HERC4: variants seen among roughly 807,000 people sequenced by gnomAD.
HERC4 encodes the protein probable E3 ubiquitin-protein ligase HERC4.
Under a neutral mutation model 124.3 loss-of-function variants are expected in HERC4, and 28 were observed. The ratio of observed to expected loss-of-function variants is 0.23; its 90% CI spans 0.17 to 0.31. The LOEUF is 0.31. Ranked by LOEUF, HERC4 falls within the 10% of genes least tolerant of loss-of-function variation. The probability of loss-of-function intolerance (pLI) is 1.00; values close to 1 mark genes in which losing one functional copy is unlikely to be tolerated. For missense variants in HERC4, 713 were observed against 1,229.3 expected (o/e 0.58, Z 6.28); for synonymous variants, 407 against 421.5 (o/e 0.97, Z 0.42).
chr10:67,946,488 C>T (rs1213320777), intron 19 of HERC4, among the ~76,000 whole-genome samples: 1 of 151,230 alleles, frequency 6.6e-6, no homozygotes, highest in Non-Finnish European at 1.5e-5. Flanking sequence ...ATATTCCATG[C>T]AAATGTTAAC....
chr10:68,060,919 T>C (rs1053104507), intron 3 of HERC4, among the ~76,000 whole-genome samples: 1 of 145,254 alleles, frequency 6.9e-6, no homozygotes, highest in Non-Finnish European at 1.5e-5. Context: ...TATGCCATCC[T>C]AAAAAAAAAA....
intron 15 of HERC4, among the ~76,000 whole-genome samples, chr10:67,979,491 C>T (rs1424685689): frequency 1.3e-5 from 2 of 152,032 alleles, no homozygotes; most frequent in African/African-American, 2.4e-5. Context: ...ATCTAAGTTA[C>T]TGGCCTTAAA....
intron 19 of HERC4, among the ~76,000 whole-genome samples, chr10:67,950,264 G>A (rs560964132): frequency 1.3e-5 from 2 of 151,926 alleles, no homozygotes; most frequent in East Asian, 3.9e-4. Context: ...AAGACTCCAT[G>A]GATACATACA....
At chr10:67,995,683 G>C (rs1401461533) in intron 9 of HERC4, among the ~76,000 whole-genome samples, 1 of 151,448 alleles carries the variant, frequency 6.6e-6, no homozygotes, top group African/African-American at 2.4e-5. Context: ...TTGACTCACA[G>C]AACATTTACT....
intron 19 of HERC4, among the ~76,000 whole-genome samples, chr10:67,950,046 AC>A (rs1363741396): frequency 6.6e-6 from 1 of 151,926 alleles, no homozygotes; most frequent in African/African-American, 2.4e-5. Context: ...AAAACAAAAA[AC>A]AAAAAAAAAG....
At chr10:68,018,838 T>A (rs2038421040) in intron 8 of HERC4, among the ~76,000 whole-genome samples, 2 of 148,742 alleles carry the variant, frequency 1.3e-5, no homozygotes, top group African/African-American at 4.9e-5. Context: ...ATTACAAAGA[T>A]AACAACTTTT....
At chr10:67,999,546 T>C (rs1564529603) in intron 9 of HERC4, among the ~76,000 whole-genome samples, 1 of 152,216 alleles carries the variant, frequency 6.6e-6, no homozygotes, top group South Asian at 2.1e-4. Context: ...AGATCTCTCT[T>C]ACATAACTTT....
intron 15 of HERC4, among the ~76,000 whole-genome samples, chr10:67,967,680 G>C (rs1021525560): frequency 6.6e-6 from 1 of 152,078 alleles, no homozygotes; most frequent in African/African-American, 2.4e-5. Context: ...GAAATATTAT[G>C]TTCTTGGTGA....
At chr10:67,983,075 CA>C (rs60021463) in intron 15 of HERC4, among the ~76,000 whole-genome samples, 56 of 76,772 alleles carry the variant, frequency 7.3e-4, no homozygotes, top group East Asian at 2.0e-3. Context: ...TTGCACTGAG[CA>C]AAAAAAAAAA....
chr10:67,935,199 G>A (rs1301921830), intron 22 of HERC4, among the ~76,000 whole-genome samples: 14 of 150,736 alleles, frequency 9.3e-5, no homozygotes, highest in African/African-American at 2.4e-4. Flanking sequence ...AGGCTGGAGC[G>A]CAGTGGCACA....
chr10:68,024,615 G>A (rs1018810683), intron 8 of HERC4, among the ~76,000 whole-genome samples: 29 of 152,178 alleles, frequency 1.9e-4, no homozygotes, highest in Non-Finnish European at 3.4e-4. Flanking sequence ...CTGATGTTAA[G>A]AGGAAAAAAA....
intron 15 of HERC4, among the ~76,000 whole-genome samples, chr10:67,980,062 A>G (rs2035836996): frequency 6.6e-6 from 1 of 152,252 alleles, no homozygotes; most frequent in Admixed American, 6.5e-5. Context: ...ATGACATTTA[A>G]AGTATTGAAG....
Position 68,025,580 on chromosome 10 carries a change from T to A in HERC4, c.874A>T (p.Met292Leu). Residue 292 changes from methionine (M) to leucine (L), a missense_variant, in exon 8 of 25, where the codon ATG (methionine) becomes TTG (leucine). Coordinates refer to ENST00000373700, the MANE Select transcript of HERC4 (RefSeq NM_015601.4). The stretch of plus-strand genomic sequence containing the variant: ...GCAATCTCAGTGACAATGCTTCCCA[T>A]AAGTTCAAAAACTTTCCTTGGGTTT... ...EINPRKVFEL[M>L]GSIVTEIACG... is the part of the protein sequence containing the mutation. The A allele has an allele frequency of 6.2e-7, 1 of 1,613,768 alleles. No homozygotes were observed. The highest frequency in any genetic ancestry group is 8.5e-7 in the Non-Finnish European group (1 of 1,179,852).
At chr10:68,074,421 C>T (rs929906280) in intron 1 of HERC4, among the ~76,000 whole-genome samples, 2 of 152,058 alleles carry the variant, frequency 1.3e-5, no homozygotes, top group African/African-American at 2.4e-5. Flanking sequence ...CTCGATAATT[C>T]CCAAGAGTTC....
intron 8 of HERC4, among the ~76,000 whole-genome samples, chr10:68,015,024 T>C (rs542756589): frequency 2.6e-5 from 4 of 152,324 alleles, no homozygotes; most frequent in African/African-American, 4.8e-5. Flanking sequence ...CCATATCTTA[T>C]GCAATATGAC....
At chr10:68,065,085 T>C (rs184577603) in intron 3 of HERC4, among the ~76,000 whole-genome samples, 5 of 152,120 alleles carry the variant, frequency 3.3e-5, no homozygotes, top group African/African-American at 9.6e-5. Flanking sequence ...CTTTAAAACA[T>C]GGGAAAATGC....
At position 68,006,382 on chromosome 10, in the gene HERC4, T is replaced by G. The variant is rs957099324; in HGVS notation, c.1069+7644A>C. On this transcript the variant is annotated intron_variant, in intron 9 of 24. Transcript: ENST00000373700. Reference sequence around the variant, plus strand: ...GTTTTTGTTTTTGTTTTTGTTTTTTTTTTTTTTTTGAGACAGTTTCCTCTT... The same window carrying G: ...GTTTTTGTTTTTGTTTTTGTTTTTTGTTTTTTTTTGAGACAGTTTCCTCTT... 7.3e-4 allele frequency among the ~76,000 whole-genome samples: 110 copies of G among 151,348 alleles called. 1 individual carries two copies. Among genetic ancestry groups the G allele is most frequent in the African/African-American group, 2.2e-3 (89 of 41,302 alleles).
intron 8 of HERC4, among the ~76,000 whole-genome samples, chr10:68,021,597 T>A (rs2038628263): frequency 6.6e-6 from 1 of 152,074 alleles, no homozygotes. Flanking sequence ...TCACCAGTGG[T>A]CAGGAGTTCA....
intron 9 of HERC4, among the ~76,000 whole-genome samples, chr10:68,006,187 ACTCAAGATG>A (rs2037535994): frequency 6.6e-6 from 1 of 152,048 alleles, no homozygotes; most frequent in Non-Finnish European, 1.5e-5. Context: ...TAGTCTTCTT[ACTCAAGATG>A]AGTAGTGCGC....
Sources: gnomAD v4.1 joint callset for allele counts (sites outside exome capture counted in the v4.1 genomes callset) on GRCh38, gnomAD v4.1.1 for gene constraint, MANE v1.5 for transcripts, NCBI Gene and HGNC (gene_info 2026-07-23, HGNC 2026-07-21) for gene names.